The following PDZRN3 variants were observed in gnomAD, a reference collection of about 807,000 sequenced individuals.
PDZRN3 encodes E3 ubiquitin-protein ligase PDZRN3.
In PDZRN3, 38 loss-of-function variants were observed where a neutral mutation model predicts 85.7. That is an observed-to-expected ratio of 0.44 (90% CI 0.34 to 0.58). The LOEUF is 0.58. Among genes scored for constraint, PDZRN3 ranks in the 20% least tolerant of loss-of-function variants. The probability of loss-of-function intolerance (pLI) is 0.01; values close to 1 mark genes in which losing one functional copy is unlikely to be tolerated. For synonymous variants in PDZRN3, 759 were observed against 638.0 expected (o/e 1.19, Z -2.86); for missense variants, 1,629 against 1,506.4 (o/e 1.08, Z -1.35).
chr3:73,613,711 C>T (rs984983958), intron 1 of PDZRN3, among the ~76,000 whole-genome samples: 1 of 152,130 alleles, frequency 6.6e-6, no homozygotes, highest in Non-Finnish European at 1.5e-5. Context: ...ACCCTGAAGA[C>T]TGAGGAGTTC....
At chr3:73,432,368 G>A (rs866100198) in intron 3 of PDZRN3, among the ~76,000 whole-genome samples, 7 of 152,346 alleles carry the variant, frequency 4.6e-5, no homozygotes, top group Middle Eastern at 3.4e-3. Flanking sequence ...TCCTGAGTGT[G>A]AAGTCACAGG....
intron 1 of PDZRN3, among the ~76,000 whole-genome samples, chr3:73,611,548 A>C (rs1233386207): frequency 6.6e-6 from 1 of 152,162 alleles, no homozygotes; most frequent in African/African-American, 2.4e-5. Flanking sequence ...TTTAGGCTGC[A>C]TTGCCTATTT....
At chr3:73,595,459 T>C (rs1056034560) in intron 3 of PDZRN3, among the ~76,000 whole-genome samples, 6 of 152,204 alleles carry the variant, frequency 3.9e-5, no homozygotes, top group African/African-American at 1.2e-4. Flanking sequence ...AAATGGATTA[T>C]GCATATCTGT....
intron 3 of PDZRN3, among the ~76,000 whole-genome samples, chr3:73,442,205 A>G (rs540690359): frequency 6.6e-6 from 1 of 152,256 alleles, no homozygotes; most frequent in East Asian, 1.9e-4. Context: ...AAGAGATTTG[A>G]GGCCTGGAGT....
At chr3:73,502,023 TAAATG>T (rs1467874413) in intron 3 of PDZRN3, among the ~76,000 whole-genome samples, 5 of 137,914 alleles carry the variant, frequency 3.6e-5, no homozygotes, top group Non-Finnish European at 6.0e-5. Context: ...TCAAAATAAA[TAAATG>T]AAATGAAATA....
Position 73,384,452 on chromosome 3 carries a change from G to A in PDZRN3, c.2114C>T (p.Ala705Val). 1 of 1,612,372 alleles carries A rather than the reference G, an allele frequency of 6.2e-7. No homozygotes were observed. The highest frequency in any genetic ancestry group is 1.1e-5 in the South Asian group (1 of 91,088). Residue 705 changes from alanine (A) to valine (V), a missense_variant, in exon 10 of 10, where the codon GCC becomes GTC. Coordinates refer to ENST00000263666, the MANE Select transcript of PDZRN3 (RefSeq NM_015009.3). ...CTCCTTGAGCTGCTGCATCTTGTGG[G>A]CGCGCACGATGCTCAGGCACTCCAG... ...IELECLSIVR[A>V]HKMQQLKEQY...
At chr3:73,390,686 G>GT (rs531400447) in intron 6 of PDZRN3, among the ~76,000 whole-genome samples, 172 of 150,480 alleles carry the variant, frequency 1.1e-3, no homozygotes, top group African/African-American at 4.2e-3. Context: ...TTTAAAAAGT[G>GT]TAAGTGATTC....
At chr3:73,416,568 A>T (rs981983051) in intron 3 of PDZRN3, among the ~76,000 whole-genome samples, 4 of 152,012 alleles carry the variant, frequency 2.6e-5, no homozygotes, top group African/African-American at 9.7e-5. Context: ...GGTATTATTT[A>T]TTTCTAGAAA....
chr3:73,475,617 T>A (rs1429468194), intron 3 of PDZRN3, among the ~76,000 whole-genome samples: 1 of 152,180 alleles, frequency 6.6e-6, no homozygotes, highest in Non-Finnish European at 1.5e-5. Flanking sequence ...CTGCAGTGAA[T>A]CCATCCCCAG....
At chr3:73,443,887 T>A (rs1702696863) in intron 3 of PDZRN3, among the ~76,000 whole-genome samples, 1 of 152,166 alleles carries the variant, frequency 6.6e-6, no homozygotes, top group Admixed American at 6.5e-5. Flanking sequence ...TCAGCATCAT[T>A]TGCTATGTAT....
chr3:73,466,026 T>C (rs1341628814), intron 3 of PDZRN3, among the ~76,000 whole-genome samples: 1 of 152,194 alleles, frequency 6.6e-6, no homozygotes, highest in East Asian at 1.9e-4. Flanking sequence ...TCAAGCTAAT[T>C]ACGCTTTACT....
intron 3 of PDZRN3, among the ~76,000 whole-genome samples, chr3:73,493,078 G>A (rs552457397): frequency 6.6e-6 from 1 of 150,998 alleles, no homozygotes; most frequent in South Asian, 2.1e-4. Context: ...AGGTGGGAGA[G>A]GGTATGTCCG....
At chr3:73,569,347 AT>A in intron 3 of PDZRN3, 1 of 1,209,810 alleles carries the variant, frequency 8.3e-7, no homozygotes, top group Non-Finnish European at 1.0e-6. Flanking sequence ...CAGGTTAATA[AT>A]CTTTAGTGAG....
chr3:73,388,129 G>A lies in PDZRN3; in HGVS notation c.1417-60C>T, dbSNP rs577289314. The A allele has an allele frequency of 1.4e-4, 111 of 797,176 alleles. 1 individual carries two copies. The East Asian group carries it at 2.6e-3, about 18-fold the overall frequency. The allele number at this position is 797,176 out of a possible 1,614,324, so 49.4% of individuals were successfully genotyped here. A position where few individuals can be genotyped will look rare whatever the true frequency, so the allele number is the denominator to read the frequency against. ...GAGACAAATAGCATGATTAGATGGTGCAAAATCATTCTATTTTATTTCAGA... is the reference window on the plus strand; with the variant it reads ...GAGACAAATAGCATGATTAGATGGTACAAAATCATTCTATTTTATTTCAGA... On this transcript the variant is annotated intron_variant, in intron 7 of 9. Coordinates refer to ENST00000263666, the MANE Select transcript of PDZRN3 (RefSeq NM_015009.3).
chr3:73,454,441 C>G (rs1470579215), intron 3 of PDZRN3, among the ~76,000 whole-genome samples: 1 of 152,298 alleles, frequency 6.6e-6, no homozygotes, highest in Middle Eastern at 3.4e-3. Flanking sequence ...GACCACTCTC[C>G]TTTGGAAGAG....
At chr3:73,442,630 G>C (rs1053422613) in intron 3 of PDZRN3, among the ~76,000 whole-genome samples, 9 of 151,848 alleles carry the variant, frequency 5.9e-5, no homozygotes, top group African/African-American at 1.7e-4. Context: ...GGCTGTTGTG[G>C]TGTCTTTAAC....
intron 3 of PDZRN3, among the ~76,000 whole-genome samples, chr3:73,582,940 TTCTA>T (rs2106869325): frequency 6.6e-6 from 1 of 152,328 alleles, no homozygotes; most frequent in Admixed American, 6.5e-5. Flanking sequence ...TCAGTGATAC[TTCTA>T]TTGATATAGC....
chr3:73,504,996 G>A (rs1459221615), intron 3 of PDZRN3, among the ~76,000 whole-genome samples: 1 of 152,184 alleles, frequency 6.6e-6, no homozygotes, highest in African/African-American at 2.4e-5. Context: ...GATAGTCTCT[G>A]TAGCAACTCC....
intron 3 of PDZRN3, among the ~76,000 whole-genome samples, chr3:73,595,671 A>C (rs953659820): frequency 6.6e-6 from 1 of 152,208 alleles, no homozygotes; most frequent in African/African-American, 2.4e-5. Flanking sequence ...ATAACATCTA[A>C]GCAAAGATCA....
Sources: allele counts gnomAD v4.1 joint callset (sites outside exome capture counted in the v4.1 genomes callset), GRCh38; gene constraint gnomAD v4.1.1; transcripts MANE v1.5; gene names NCBI Gene and HGNC (gene_info 2026-07-23, HGNC 2026-07-21).